Variants in GALNT17 observed in about 807,000 individuals in gnomAD.
GALNT17 encodes the protein polypeptide N-acetylgalactosaminyltransferase 17, also known as UDP-GalNAc:polypeptide N-acetylgalactosaminyltransferase-like 3.
In GALNT17, 29 loss-of-function variants were observed where a neutral mutation model predicts 63.7. The observed-to-expected ratio is 0.46, with a 90% CI of 0.34 to 0.62. GALNT17 has a LOEUF of 0.62. Among genes scored for constraint, GALNT17 ranks in the 20% least tolerant of loss-of-function variants. The pLI, the probability that GALNT17 is intolerant of heterozygous loss-of-function variation, is 0.01. For missense variants in GALNT17, 603 were observed against 799.6 expected, an observed-to-expected ratio of 0.75 and a Z score of 2.97; for synonymous variants, 305 against 318.3, an observed-to-expected ratio of 0.96 and a Z score of 0.45.
rs148182358 is a variant in GALNT17, at chr7:71,310,933, C to T, written c.239-24617C>T. ...TGACTACCACGGTAGTTCTCTATCA[C>T]GACACTAGTCCAGTAAATCCTGCTT... On this transcript the variant is annotated intron_variant, in intron 1 of 10. Coordinates refer to ENST00000333538, the MANE Select transcript of GALNT17 (RefSeq NM_022479.3). 4.2e-3 allele frequency among the ~76,000 whole-genome samples: 643 copies of T among 152,296 alleles called. 8 individuals carry two copies. The highest frequency in any genetic ancestry group is 0.014 in the African/African-American group (602 of 41,554).
intron 9 of GALNT17, among the ~76,000 whole-genome samples, chr7:71,707,980 T>G (rs2117126107): frequency 6.6e-6 from 1 of 152,336 alleles, no homozygotes; most frequent in South Asian, 2.1e-4. Context: ...GCGGAGGATG[T>G]GGTCAGTTTT....
chr7:71,311,888 C>G (rs1231373011), intron 1 of GALNT17, among the ~76,000 whole-genome samples: 1 of 152,156 alleles, frequency 6.6e-6, no homozygotes, highest in African/African-American at 2.4e-5. Flanking sequence ...CTAGCTGTCC[C>G]TCCATCTGCT....
In GALNT17 at chr7:71,156,375, A is replaced by G. The variant is rs188253093; in HGVS notation, c.238+23335A>G. Among the ~76,000 whole-genome samples, 191 of 151,808 alleles carry G rather than the reference A, an allele frequency of 1.3e-3. 4 individuals are homozygous for G. The highest frequency in any genetic ancestry group is 4.4e-3 in the African/African-American group (183 of 41,208). On this transcript the variant is annotated intron_variant, in intron 1 of 10. Transcript: ENST00000333538. ...CAGATTCCTCAAGCTGGAGGTTCACATTTTGTAGATATGAGGTGGGATGTG... is the reference window on the plus strand; with the variant it reads ...CAGATTCCTCAAGCTGGAGGTTCACGTTTTGTAGATATGAGGTGGGATGTG...
chr7:71,503,789 CA>C (rs1422511956), intron 5 of GALNT17, among the ~76,000 whole-genome samples: 1 of 152,064 alleles, frequency 6.6e-6, no homozygotes, highest in Non-Finnish European at 1.5e-5. Context: ...AACAGATAGT[CA>C]AAATACATAA....
rs1791417059 is a variant in GALNT17 at position 71,690,015 on chromosome 7, A to AT, written c.1500+12710dup. On this transcript the variant is annotated intron_variant, in intron 9 of 10. Transcript: ENST00000333538. ...ATCTGTTTACAGCATGGTTTACTGA[A>AT]TATCTTTTTTTTTTTTTTTCTTTTT... Among the ~76,000 whole-genome samples, 4 of 142,596 alleles carry AT rather than the reference A, an allele frequency of 2.8e-5. No individual in the cohort carries two copies. The South Asian group carries it at 9.4e-4, about 33-fold the overall frequency. 93.5% of individuals were successfully genotyped at this position (142,596 alleles called of 152,430 possible). A position where few individuals can be genotyped will look rare whatever the true frequency, so the allele number is the denominator to read the frequency against.
chr7:71,304,798 G>A (rs1203077391), intron 1 of GALNT17, among the ~76,000 whole-genome samples: 2 of 151,554 alleles, frequency 1.3e-5, no homozygotes, highest in Non-Finnish European at 2.9e-5. Flanking sequence ...TGCCCAGGCT[G>A]GAGTGCAATG....
chr7:71,322,573 A>G (rs1244567289), intron 1 of GALNT17, among the ~76,000 whole-genome samples: 2 of 152,178 alleles, frequency 1.3e-5, no homozygotes, highest in Non-Finnish European at 1.5e-5. Context: ...TCTAGGACAG[A>G]ATTTAACAGT....
chr7:71,606,178 C>T (rs1306618921), intron 6 of GALNT17, among the ~76,000 whole-genome samples: 2 of 145,822 alleles, frequency 1.4e-5, no homozygotes, highest in Non-Finnish European at 3.0e-5. Context: ...TGGTCTCAAA[C>T]TCCTGGGCTC....
At chr7:71,501,720 G>C (rs2116702414) in intron 5 of GALNT17, among the ~76,000 whole-genome samples, 1 of 152,208 alleles carries the variant, frequency 6.6e-6, no homozygotes, top group African/African-American at 2.4e-5. Flanking sequence ...CCTCCACTCT[G>C]GCCATGGTTA....
At chr7:71,669,284 G>T (rs1791031527) in intron 7 of GALNT17, among the ~76,000 whole-genome samples, 1 of 152,062 alleles carries the variant, frequency 6.6e-6, no homozygotes, top group Non-Finnish European at 1.5e-5. Flanking sequence ...GGGAGGCCGA[G>T]GCTGGCTGAT....
chr7:71,236,614 G>C (rs1337115898), intron 1 of GALNT17, among the ~76,000 whole-genome samples: 3 of 152,120 alleles, frequency 2.0e-5, no homozygotes, highest in Non-Finnish European at 4.4e-5. Context: ...GGGACGGGCT[G>C]GTGTTCCCTC....
intron 5 of GALNT17, among the ~76,000 whole-genome samples, chr7:71,489,942 T>C (rs1362738510): frequency 6.6e-6 from 1 of 152,020 alleles, no homozygotes; most frequent in East Asian, 1.9e-4. Context: ...GAGGATCTTT[T>C]GAGACTAGGA....
At chr7:71,377,271 A>G (rs1792760804) in intron 2 of GALNT17, among the ~76,000 whole-genome samples, 1 of 151,218 alleles carries the variant, frequency 6.6e-6, no homozygotes, top group East Asian at 2.0e-4. Flanking sequence ...CAATTACCTC[A>G]TCCCTGGAAA....
At chr7:71,204,489 G>T (rs1789233587) in intron 1 of GALNT17, among the ~76,000 whole-genome samples, 1 of 151,944 alleles carries the variant, frequency 6.6e-6, no homozygotes, top group Admixed American at 6.6e-5. Flanking sequence ...GCTTTGGGTG[G>T]TATGGACACT....
At chr7:71,672,656 A>G (rs760009434) in intron 8 of GALNT17, among the ~76,000 whole-genome samples, 24 of 152,146 alleles carry the variant, frequency 1.6e-4, no homozygotes, top group Non-Finnish European at 2.4e-4. Flanking sequence ...GGTTTTAGCA[A>G]TTCTCCTGTC....
At chr7:71,458,644 T>C (rs552157688) in intron 5 of GALNT17, among the ~76,000 whole-genome samples, 1 of 152,276 alleles carries the variant, frequency 6.6e-6, no homozygotes, top group African/African-American at 2.4e-5. Flanking sequence ...GCAGGGGTTT[T>C]ACTGAGTGTT....
intron 6 of GALNT17, among the ~76,000 whole-genome samples, chr7:71,581,680 A>T (rs1789637455): frequency 6.6e-6 from 1 of 152,190 alleles, no homozygotes. Flanking sequence ...AGAAGGGATT[A>T]TTAAGGGTAT....
chr7:71,690,934 T>C lies in GALNT17; in HGVS notation c.1500+13628T>C, dbSNP rs185088184. On this transcript the variant is annotated intron_variant, in intron 9 of 10. Transcript: ENST00000333538. ...TGGAATCTACTCCTGATGGGGATGT[T>C]GTGAATATTGTTGAAATGACACAAG... Among the ~76,000 whole-genome samples the C allele has an allele frequency of 3.9e-5, 6 of 152,328 alleles. No individual in the cohort carries two copies. The East Asian group carries it at 1.2e-3, about 29-fold the overall frequency.
At chr7:71,697,015 G>A (rs1791555827) in intron 9 of GALNT17, among the ~76,000 whole-genome samples, 1 of 152,112 alleles carries the variant, frequency 6.6e-6, no homozygotes, top group Non-Finnish European at 1.5e-5. Flanking sequence ...AGACAGGGTG[G>A]GGCTAGGGAG....
Sources: allele counts gnomAD v4.1 joint callset (sites outside exome capture counted in the v4.1 genomes callset), GRCh38; gene constraint gnomAD v4.1.1; transcripts MANE v1.5; gene names NCBI Gene and HGNC (gene_info 2026-07-23, HGNC 2026-07-21).